Variants in HMCN1 observed in about 807,000 individuals in gnomAD.
The protein encoded by HMCN1 is hemicentin 1.
Under a neutral mutation model 625.9 loss-of-function variants are expected in HMCN1, and 321 were observed. The observed-to-expected ratio is 0.51, with a 90% CI of 0.47 to 0.56. HMCN1 has a LOEUF of 0.56. Ranked by LOEUF, HMCN1 falls within the 20% of genes least tolerant of loss-of-function variation. The pLI, the probability that HMCN1 is intolerant of heterozygous loss-of-function variation, is 0.00. For missense variants in HMCN1, 6,588 were observed against 6,887.3 expected, an observed-to-expected ratio of 0.96 and a Z score of 1.54; for synonymous variants, 2,425 against 2,417.6, an observed-to-expected ratio of 1.00 and a Z score of -0.09.
chr1:186,155,627 T>C (rs1242322755), intron 97 of HMCN1, among the ~76,000 whole-genome samples: 3 of 152,220 alleles, frequency 2.0e-5, no homozygotes, highest in Non-Finnish European at 4.4e-5. Flanking sequence ...AAGATCTTTG[T>C]ACCGTCTTTA....
At chr1:185,772,018 G>A (rs1234869714) in intron 1 of HMCN1, among the ~76,000 whole-genome samples, 1 of 152,166 alleles carries the variant, frequency 6.6e-6, no homozygotes, top group East Asian at 1.9e-4. Flanking sequence ...ATGAAGACTT[G>A]AGAGTGTGAG....
chr1:186,011,901 G>A (rs934500654), intron 30 of HMCN1, among the ~76,000 whole-genome samples: 3 of 152,194 alleles, frequency 2.0e-5, no homozygotes, highest in African/African-American at 7.2e-5. Flanking sequence ...CAATAAGAGT[G>A]TTTAAGAATG....
chr1:185,758,130 C>A (rs555683511), intron 1 of HMCN1, among the ~76,000 whole-genome samples: 1 of 152,100 alleles, frequency 6.6e-6, no homozygotes, highest in Non-Finnish European at 1.5e-5. Flanking sequence ...GGACTGTTGG[C>A]GGATATATAC....
intron 15 of HMCN1, among the ~76,000 whole-genome samples, chr1:185,972,349 C>T (rs898628350): frequency 3.9e-5 from 6 of 152,156 alleles, no homozygotes; most frequent in Admixed American, 6.6e-5. Flanking sequence ...CAGATTCCTT[C>T]TTCCATCCAG....
At chr1:185,783,479 T>C (rs1657301604) in intron 1 of HMCN1, among the ~76,000 whole-genome samples, 2 of 152,336 alleles carry the variant, frequency 1.3e-5, no homozygotes, top group South Asian at 4.1e-4. Context: ...TGTGGTTTTA[T>C]CTACCTTTGG....
chr1:185,965,698 G>T, intron 13 of HMCN1, 104 bp from the exon 14 acceptor site: 3 of 750,164 alleles, frequency 4.0e-6, no homozygotes, highest in Non-Finnish European at 7.4e-6. Context: ...TATTGAAATG[G>T]CCACAAGCAC....
chr1:186,127,136 C>A (rs1048801624), intron 82 of HMCN1, among the ~76,000 whole-genome samples: 3 of 151,966 alleles, frequency 2.0e-5, no homozygotes, highest in African/African-American at 7.2e-5. Context: ...GGTGAAATAG[C>A]CATCAGCCGA....
At chr1:185,873,053 T>A (rs1182819992) in intron 4 of HMCN1, among the ~76,000 whole-genome samples, 1 of 152,178 alleles carries the variant, frequency 6.6e-6, no homozygotes, top group Admixed American at 6.5e-5. Flanking sequence ...AAAGAAATGT[T>A]ACTTAAGGGT....
At chr1:186,173,651 A>AAAAAAG (rs1553309874) in intron 102 of HMCN1, among the ~76,000 whole-genome samples, 1 of 151,058 alleles carries the variant, frequency 6.6e-6, no homozygotes, top group African/African-American at 2.4e-5. Context: ...AAAAAAAAAA[A>AAAAAAG]AAAAGAAAAA....
At chr1:185,904,332 T>C (rs1439390315) in intron 4 of HMCN1, among the ~76,000 whole-genome samples, 5 of 151,824 alleles carry the variant, frequency 3.3e-5, no homozygotes, top group Admixed American at 2.6e-4. Context: ...TGCTATAACA[T>C]AGGGTTTACT....
intron 1 of HMCN1, among the ~76,000 whole-genome samples, chr1:185,838,414 T>G (rs1430372521): frequency 6.6e-6 from 1 of 152,184 alleles, no homozygotes; most frequent in Non-Finnish European, 1.5e-5. Flanking sequence ...GCCACCTCCA[T>G]GCCCCACTCA....
chr1:185,921,923 C>T (rs895480082), intron 6 of HMCN1, among the ~76,000 whole-genome samples: 4 of 152,200 alleles, frequency 2.6e-5, no homozygotes, highest in East Asian at 3.8e-4. Flanking sequence ...AAATGGTCGG[C>T]TCTATTGCTT....
intron 67 of HMCN1, among the ~76,000 whole-genome samples, chr1:186,094,811 T>A (rs2102421199): frequency 6.6e-6 from 1 of 152,296 alleles, no homozygotes; most frequent in African/African-American, 2.4e-5. Flanking sequence ...AGTTTGCTGA[T>A]CCACATTTCT....
At chr1:185,996,031 T>C (rs985064094) in intron 24 of HMCN1, among the ~76,000 whole-genome samples, 2 of 152,152 alleles carry the variant, frequency 1.3e-5, no homozygotes, top group African/African-American at 2.4e-5. Flanking sequence ...AGGACACTAA[T>C]GAAGAAGTTT....
intron 23 of HMCN1, 131 bp downstream of exon 23, chr1:185,993,440 T>C (rs746400431): frequency 1.7e-4 from 159 of 925,576 alleles, no homozygotes; most frequent in Middle Eastern, 2.8e-4. Flanking sequence ...CTCTAAAATC[T>C]GAGACTTGTG....
chr1:185,735,121 G>GTT, intron 1 of HMCN1, 74 bp downstream of exon 1: 2 of 1,496,916 alleles, frequency 1.3e-6, no homozygotes, highest in Non-Finnish European at 1.9e-6. Context: ...GAATGAAATT[G>GTT]TTTGTCAGGA....
intron 1 of HMCN1, among the ~76,000 whole-genome samples, chr1:185,819,153 C>G (rs1259831580): frequency 1.3e-5 from 2 of 151,326 alleles, no homozygotes; most frequent in Non-Finnish European, 2.9e-5. Flanking sequence ...AGGAGAATCA[C>G]TTGAAATAAG....
At chr1:186,070,097 A>T (rs1229150266) in intron 51 of HMCN1, among the ~76,000 whole-genome samples, 1 of 152,200 alleles carries the variant, frequency 6.6e-6, no homozygotes, top group African/African-American at 2.4e-5. Flanking sequence ...AACTGTCGTT[A>T]GATGCATATG....
At chr1:186,123,703 GACA>G (rs994227063) in intron 81 of HMCN1, among the ~76,000 whole-genome samples, 7 of 151,978 alleles carry the variant, frequency 4.6e-5, no homozygotes, top group Non-Finnish European at 2.9e-5. Flanking sequence ...TTTGTATTAA[GACA>G]ACAAAATATT....
Sources: allele counts gnomAD v4.1 joint callset (sites outside exome capture counted in the v4.1 genomes callset), GRCh38; gene constraint gnomAD v4.1.1; transcripts MANE v1.5; gene names NCBI Gene and HGNC (gene_info 2026-07-23, HGNC 2026-07-21).